PLCXD3: variants seen among roughly 807,000 people sequenced by gnomAD.
The protein encoded by PLCXD3 is phosphatidylinositol specific phospholipase C X domain containing 3.
PLCXD3 carries 19 observed loss-of-function variants against 25.5 expected under a neutral mutation model. The observed-to-expected ratio is 0.75, with a 90% CI of 0.52 to 1.09. The LOEUF is 1.09. Among genes scored for constraint, PLCXD3 ranks in the 50% least tolerant of loss-of-function variants. The pLI, the probability that PLCXD3 is intolerant of heterozygous loss-of-function variation, is 0.00. For missense variants in PLCXD3, 411 were observed against 388.1 expected (o/e 1.06, Z -0.50); for synonymous variants, 174 against 137.6 (o/e 1.26, Z -1.85).
At chr5:41,401,003 T>TG (rs1164367774) in intron 1 of PLCXD3, among the ~76,000 whole-genome samples, 10 of 58,024 alleles carry the variant, frequency 1.7e-4, no homozygotes, top group Non-Finnish European at 8.7e-5. Context: ...TTTAAAAAGC[T>TG]AAAAAAAAAA....
intron 1 of PLCXD3, among the ~76,000 whole-genome samples, chr5:41,382,801 G>C (rs1254571069): frequency 6.6e-6 from 1 of 152,018 alleles, no homozygotes; most frequent in Non-Finnish European, 1.5e-5. Flanking sequence ...CATCTATTCT[G>C]TGAACCAAGA....
intron 1 of PLCXD3, among the ~76,000 whole-genome samples, chr5:41,383,576 A>C (rs187844797): frequency 6.6e-6 from 1 of 152,188 alleles, no homozygotes; most frequent in Non-Finnish European, 1.5e-5. Context: ...TATTCTAAAA[A>C]TTTCATACAT....
chr5:41,348,441 G>GA (rs1744362375), intron 2 of PLCXD3, among the ~76,000 whole-genome samples: 1 of 151,948 alleles, frequency 6.6e-6, no homozygotes, highest in East Asian at 1.9e-4. Context: ...AGGGAAACCA[G>GA]AAAAAAACAT....
intron 1 of PLCXD3, among the ~76,000 whole-genome samples, chr5:41,463,205 C>G (rs318086): frequency 0.19 from 28,840 of 151,858 alleles, 2,977 homozygotes; most frequent in Middle Eastern, 0.26. Context: ...GCTACTATAA[C>G]AAAGTACCAC....
At chr5:41,347,183 T>G (rs1744325505) in intron 2 of PLCXD3, among the ~76,000 whole-genome samples, 1 of 152,242 alleles carries the variant, frequency 6.6e-6, no homozygotes, top group South Asian at 2.1e-4. Flanking sequence ...GTCAGTGTTT[T>G]GGATTTTAGC....
chr5:41,481,994 G>A (rs1052673591), intron 1 of PLCXD3, among the ~76,000 whole-genome samples: 10 of 152,180 alleles, frequency 6.6e-5, no homozygotes, highest in African/African-American at 2.4e-4. Flanking sequence ...GTGTAAGGAC[G>A]TATGATGGGC....
chr5:41,428,394 G>C (rs13181347), intron 1 of PLCXD3, among the ~76,000 whole-genome samples: 1 of 136,758 alleles, frequency 7.3e-6, no homozygotes, highest in Non-Finnish European at 1.6e-5. Flanking sequence ...TTTTGTTTTT[G>C]TTTTTTTTAG....
Position 41,461,751 on chromosome 5 carries a change from G to A in PLCXD3, c.103+48673C>T, listed in dbSNP as rs141146414. On this transcript the variant is annotated intron_variant, in intron 1 of 2. Coordinates refer to ENST00000377801, the MANE Select transcript of PLCXD3 (RefSeq NM_001005473.3). ...AAGCAGCTTATTCTGCTCCCAAATC[G>A]TAGCAGCAGACCAAAGCAGTATCAC... Among the ~76,000 whole-genome samples the A allele has an allele frequency of 2.1e-3, 321 of 152,088 alleles. 2 individuals carry two copies. Among genetic ancestry groups the A allele is most frequent in the African/African-American group, 6.5e-3 (270 of 41,542 alleles).
At chr5:41,320,728 C>A (rs1042906540) in intron 2 of PLCXD3, among the ~76,000 whole-genome samples, 8 of 152,184 alleles carry the variant, frequency 5.3e-5, no homozygotes, top group Non-Finnish European at 1.2e-4. Flanking sequence ...GATCTCCTGA[C>A]CTCGTGATCC....
chr5:41,353,571 T>C (rs1744535492), intron 2 of PLCXD3, among the ~76,000 whole-genome samples: 1 of 152,246 alleles, frequency 6.6e-6, no homozygotes, highest in South Asian at 2.1e-4. Flanking sequence ...GCATCTACTA[T>C]ATGCCAGGAA....
Position 41,316,527 on chromosome 5 carries a change from A to G in PLCXD3, c.813-2757T>C, listed in dbSNP as rs149883191. 4.0e-3 allele frequency among the ~76,000 whole-genome samples: 612 copies of G among 152,300 alleles called. 2 individuals carry two copies. Among genetic ancestry groups the G allele is most frequent in the African/African-American group, 0.013 (546 of 41,564 alleles). ...TTGCACCTTTGGTACCAACACTGCC[A>G]TGGTTGCTAGAGCACCAAGCAGACT... On this transcript the variant is annotated intron_variant, in intron 2 of 2. Coordinates refer to ENST00000377801, the MANE Select transcript of PLCXD3 (RefSeq NM_001005473.3).
At chr5:41,413,833 C>A (rs1017252804) in intron 1 of PLCXD3, among the ~76,000 whole-genome samples, 3 of 152,088 alleles carry the variant, frequency 2.0e-5, no homozygotes, top group African/African-American at 7.2e-5. Flanking sequence ...AAAAAAAATT[C>A]TCCCATAAGA....
intron 2 of PLCXD3, among the ~76,000 whole-genome samples, chr5:41,323,127 C>G (rs1037016504): frequency 6.6e-6 from 1 of 151,976 alleles, no homozygotes; most frequent in African/African-American, 2.4e-5. Flanking sequence ...TACAGAAAGA[C>G]AAATATCACA....
At position 41,309,042 on chromosome 5, in the gene PLCXD3, T is replaced by A. The variant is rs1743063784; in HGVS notation, c.*4575A>T. The A allele has an allele frequency of 6.6e-6, 1 of 152,598 alleles. No homozygotes were observed. Among genetic ancestry groups the A allele is most frequent in the Admixed American group, 6.6e-5 (1 of 15,260 alleles). 9.5% of individuals were successfully genotyped at this position (152,598 alleles called of 1,614,324 possible). A position where few individuals can be genotyped will look rare whatever the true frequency, so the allele number is the denominator to read the frequency against. ...AATTGCAAAAACAACAAAAAAGTGTTAATAAATTAAGGCTGGTCACAATGT... is the reference window on the plus strand; with the variant it reads ...AATTGCAAAAACAACAAAAAAGTGTAAATAAATTAAGGCTGGTCACAATGT... On this transcript the variant is annotated 3_prime_UTR_variant, in exon 3 of 3. Coordinates refer to ENST00000377801, the MANE Select transcript of PLCXD3 (RefSeq NM_001005473.3).
At chr5:41,499,289 A>T (rs1199644608) in intron 1 of PLCXD3, among the ~76,000 whole-genome samples, 1 of 151,732 alleles carries the variant, frequency 6.6e-6, no homozygotes, top group African/African-American at 2.4e-5. Flanking sequence ...GAATTAAGCA[A>T]ATCTAGTACA....
chr5:41,450,409 T>C (rs1747601983), intron 1 of PLCXD3, among the ~76,000 whole-genome samples: 1 of 152,152 alleles, frequency 6.6e-6, no homozygotes, highest in Non-Finnish European at 1.5e-5. Context: ...CAAGTTTCAA[T>C]TGACAGAGAA....
At chr5:41,498,382 A>C (rs1280196279) in intron 1 of PLCXD3, among the ~76,000 whole-genome samples, 1 of 151,322 alleles carries the variant, frequency 6.6e-6, no homozygotes, top group Non-Finnish European at 1.5e-5. Flanking sequence ...AGATGCTACT[A>C]TAAACAATTA....
At chr5:41,360,433 G>A (rs771221243) in intron 2 of PLCXD3, among the ~76,000 whole-genome samples, 3 of 152,188 alleles carry the variant, frequency 2.0e-5, no homozygotes, top group African/African-American at 7.2e-5. Context: ...AAAGAACCTC[G>A]TTTTGTCATA....
At chr5:41,327,205 T>C (rs1743655227) in intron 2 of PLCXD3, among the ~76,000 whole-genome samples, 1 of 151,938 alleles carries the variant, frequency 6.6e-6, no homozygotes, top group South Asian at 2.1e-4. Context: ...AAAGAGATGA[T>C]GCAACTAGAG....
Sources: gnomAD v4.1 joint callset for allele counts (sites outside exome capture counted in the v4.1 genomes callset) on GRCh38, gnomAD v4.1.1 for gene constraint, MANE v1.5 for transcripts, NCBI Gene and HGNC (gene_info 2026-07-23, HGNC 2026-07-21) for gene names.